PRICKLE1: variants seen among roughly 807,000 people sequenced by gnomAD.
PRICKLE1 encodes the protein prickle planar cell polarity protein 1, also known as prickle-like protein 1.
In PRICKLE1, 14 loss-of-function variants were observed where a neutral mutation model predicts 70.2. That is an observed-to-expected ratio of 0.20 (90% confidence interval 0.13 to 0.31). PRICKLE1 has a LOEUF of 0.31. PRICKLE1 is among the 10% of genes least tolerant of loss of function. The pLI, the probability that PRICKLE1 is intolerant of heterozygous loss-of-function variation, is 1.00. For missense variants in PRICKLE1, 821 were observed against 1,026.2 expected, an observed-to-expected ratio of 0.80 and a Z score of 2.73; for synonymous variants, 357 against 379.9, an observed-to-expected ratio of 0.94 and a Z score of 0.70.
At position 42,464,742 on chromosome 12, in the gene PRICKLE1, T is replaced by C. The variant is rs963986978; in HGVS notation, c.1292A>G (p.Gln431Arg). 4 of 1,614,132 alleles carry C rather than the reference T, an allele frequency of 2.5e-6. No homozygotes were observed. The highest frequency in any genetic ancestry group is 3.4e-6 in the Non-Finnish European group (4 of 1,180,008). ...KFGDKSLFQP[Q>R]PNEMDIRASE... is the part of the protein sequence containing the mutation. ...GGCTCGAATATCCATCTCATTGGGCTGTGGCTGAAAGAGGCTTTTATCACC... is the reference window on the plus strand; with the variant it reads ...GGCTCGAATATCCATCTCATTGGGCCGTGGCTGAAAGAGGCTTTTATCACC... Residue 431 changes from glutamine (Q) to arginine (R), a missense_variant, in exon 7 of 8, where the codon CAG becomes CGG. Physicochemically the swap from Gln to Arg is conservative, Grantham distance 43 (BLOSUM62 1). Coordinates refer to ENST00000345127, the MANE Select transcript of PRICKLE1 (RefSeq NM_153026.3). The surrounding 1 kb of genome is among the most constrained non-coding windows in gnomAD (Gnocchi z 4.2).
chr12:42,524,328 TCCTGAAATAATCAAAGGA>T (rs1461888294), intron 1 of PRICKLE1, among the ~76,000 whole-genome samples: 2 of 152,246 alleles, frequency 1.3e-5, no homozygotes, highest in Non-Finnish European at 1.5e-5. Flanking sequence ...TTTAAAGTTT[TCCTGAAATAATCAAAGGA>T]CCTGAAATAA....
chr12:42,482,901 TC>T (rs1178232557), intron 1 of PRICKLE1: 1 of 151,834 alleles, frequency 6.6e-6, no homozygotes. Flanking sequence ...AGAGCGGGCG[TC>T]GGCGCCCCCT....
intron 6 of PRICKLE1, chr12:42,465,972 T>C: frequency 1.7e-6 from 1 of 603,310 alleles, no homozygotes; most frequent in Non-Finnish European, 2.9e-6. Flanking sequence ...ACTAATCCAG[T>C]GTTTGCAGTA....
chr12:42,490,653 T>C (rs1939083149), intron 1 of PRICKLE1, among the ~76,000 whole-genome samples: 1 of 152,090 alleles, frequency 6.6e-6, no homozygotes, highest in African/African-American at 2.4e-5. Flanking sequence ...ACTGGACTTG[T>C]GGCTGCCCGG....
chr12:42,494,922 G>T lies in PRICKLE1; in HGVS notation c.-48-22358C>A, dbSNP rs116873534. On this transcript the variant is annotated intron_variant, in intron 1 of 7. Transcript: ENST00000345127. Reference sequence around the variant, plus strand: ...TTTTTTTTTTTAATTTTTAAGACAGGATTTTGCTCTCACCATGGCTAGAGT... The same window carrying T: ...TTTTTTTTTTTAATTTTTAAGACAGTATTTTGCTCTCACCATGGCTAGAGT... 2.1e-3 allele frequency among the ~76,000 whole-genome samples: 316 copies of T among 147,764 alleles called. 10 individuals carry two copies. In the East Asian group the frequency reaches 0.036, roughly 17 times the overall value.
chr12:42,541,809 T>C (rs1001349417), intron 1 of PRICKLE1, among the ~76,000 whole-genome samples: 2 of 152,220 alleles, frequency 1.3e-5, no homozygotes, highest in African/African-American at 4.8e-5. Flanking sequence ...TACATTAGGC[T>C]GACCTTTCCT....
chr12:42,499,737 T>C (rs755027497), intron 1 of PRICKLE1, among the ~76,000 whole-genome samples: 78 of 150,362 alleles, frequency 5.2e-4, no homozygotes, highest in Non-Finnish European at 8.7e-4. Context: ...TTTATTTATT[T>C]ATTTATTTGA....
At chr12:42,513,714 T>C (rs2406678) in intron 1 of PRICKLE1, among the ~76,000 whole-genome samples, 74,406 of 151,944 alleles carry the variant, frequency 0.49, 18,842 homozygotes, top group East Asian at 0.72. Flanking sequence ...TATAATAGGC[T>C]GGGTGCAGCC....
At chr12:42,545,470 T>G (rs1267110783) in intron 1 of PRICKLE1, among the ~76,000 whole-genome samples, 1 of 152,264 alleles carries the variant, frequency 6.6e-6, no homozygotes, top group African/African-American at 2.4e-5. Flanking sequence ...GAGAAATACA[T>G]AATTTCCCAA....
chr12:42,580,336 T>C (rs1940877604), intron 1 of PRICKLE1, among the ~76,000 whole-genome samples: 1 of 152,234 alleles, frequency 6.6e-6, no homozygotes, highest in African/African-American at 2.4e-5. Context: ...TACTTTTGAA[T>C]AATATGCTCA....
chr12:42,462,288 C>G (rs1256422712), intron 7 of PRICKLE1, among the ~76,000 whole-genome samples: 1 of 151,664 alleles, frequency 6.6e-6, no homozygotes, highest in Non-Finnish European at 1.5e-5. Context: ...GCAACCTCCG[C>G]CTCCCAGGTT....
chr12:42,533,076 T>G (rs1669944), intron 1 of PRICKLE1, among the ~76,000 whole-genome samples: 138,200 of 152,050 alleles, frequency 0.91, 63,246 homozygotes, highest in Non-Finnish European at 0.98. Flanking sequence ...ATATTAAAAT[T>G]TAAAAATAGA....
intron 1 of PRICKLE1, among the ~76,000 whole-genome samples, chr12:42,528,705 A>G (rs1270990537): frequency 2.6e-5 from 4 of 152,244 alleles, no homozygotes; most frequent in Admixed American, 1.3e-4. Context: ...AGAAATGTTC[A>G]GAATATGCCA....
intron 1 of PRICKLE1, among the ~76,000 whole-genome samples, chr12:42,554,263 T>G (rs1940375338): frequency 6.6e-6 from 1 of 152,218 alleles, no homozygotes; most frequent in African/African-American, 2.4e-5. Context: ...AAAGAACGCA[T>G]GTAAGTCTTG....
At chr12:42,462,538 C>T (rs1288736114) in intron 7 of PRICKLE1, among the ~76,000 whole-genome samples, 3 of 152,094 alleles carry the variant, frequency 2.0e-5, no homozygotes, top group African/African-American at 7.2e-5. Flanking sequence ...TTTAAAACTC[C>T]TAGCACTGGG....
intron 1 of PRICKLE1, among the ~76,000 whole-genome samples, chr12:42,494,382 CTCTG>C (rs1482059492): frequency 6.6e-6 from 1 of 152,246 alleles, no homozygotes; most frequent in Non-Finnish European, 1.5e-5. Context: ...TCCTCCCAAA[CTCTG>C]TTGCTGCTTT....
chr12:42,510,739 G>T (rs1293698033), intron 1 of PRICKLE1, among the ~76,000 whole-genome samples: 2 of 152,060 alleles, frequency 1.3e-5, no homozygotes, highest in African/African-American at 4.8e-5. Flanking sequence ...TTGCATCTTC[G>T]TAAAAATGGA....
intron 1 of PRICKLE1, among the ~76,000 whole-genome samples, chr12:42,533,146 A>G (rs977334308): frequency 7.9e-5 from 12 of 152,170 alleles, no homozygotes; most frequent in Non-Finnish European, 1.3e-4. Flanking sequence ...GAATAAGAGA[A>G]AAAAACCTAG....
Position 42,459,126 on chromosome 12 carries a change from A to G in PRICKLE1, c.*683T>C, listed in dbSNP as rs1432529493. 3.8e-6 allele frequency: 2 copies of G among 520,678 alleles called. No individual in the cohort carries two copies. Among genetic ancestry groups the G allele is most frequent in the African/African-American group, 3.8e-5 (2 of 52,918 alleles). The allele number at this position is 520,678 out of a possible 1,614,324, so 32.3% of individuals were successfully genotyped here. A position where few individuals can be genotyped will look rare whatever the true frequency, so the allele number is the denominator to read the frequency against. On this transcript the variant is annotated 3_prime_UTR_variant, in exon 8 of 8. Coordinates refer to ENST00000345127, the MANE Select transcript of PRICKLE1 (RefSeq NM_153026.3). ...AGCACTGCAGCGTAACAAACGGCTT[A>G]CAATTCAGGGATATAAAAATATCAG... is the stretch of plus-strand genomic sequence containing the variant.
Sources: gnomAD v4.1 joint callset for allele counts (sites outside exome capture counted in the v4.1 genomes callset) on GRCh38, gnomAD v4.1.1 for gene constraint, Gnocchi (gnomAD v3.1) non-coding constraint, MANE v1.5 for transcripts, NCBI Gene and HGNC (gene_info 2026-07-23, HGNC 2026-07-21) for gene names.